The following DPP6 variants were observed in gnomAD, a reference collection of about 807,000 sequenced individuals.
DPP6 encodes dipeptidyl peptidase like 6, also known as A-type potassium channel modulatory protein DPP6.
DPP6 carries 69 observed loss-of-function variants against 122.6 expected under a neutral mutation model. The ratio of observed to expected loss-of-function variants is 0.56; its 90% CI spans 0.46 to 0.69. The LOEUF is 0.69. Among genes scored for constraint, DPP6 ranks in the 30% least tolerant of loss-of-function variants. The pLI, the probability that DPP6 is intolerant of heterozygous loss-of-function variation, is 0.00. For synonymous variants in DPP6, 418 were observed against 433.1 expected, an observed-to-expected ratio of 0.97 and a Z score of 0.43; for missense variants, 928 against 1,116.9, an observed-to-expected ratio of 0.83 and a Z score of 2.41.
At chr7:154,871,979 G>T (rs1804437219) in intron 18 of DPP6, among the ~76,000 whole-genome samples, 2 of 152,164 alleles carry the variant, frequency 1.3e-5, no homozygotes, top group Non-Finnish European at 2.9e-5. Flanking sequence ...TCATGCTGCT[G>T]AGGACCAGAT....
intron 1 of DPP6, among the ~76,000 whole-genome samples, chr7:154,239,266 G>A (rs1801415962): frequency 6.6e-6 from 1 of 152,194 alleles, no homozygotes; most frequent in Non-Finnish European, 1.5e-5. Flanking sequence ...CCAAAAACAT[G>A]TCTTTCTAGT....
intron 1 of DPP6, among the ~76,000 whole-genome samples, chr7:154,324,522 A>T (rs1479570384): frequency 6.6e-6 from 1 of 151,968 alleles, no homozygotes; most frequent in Non-Finnish European, 1.5e-5. Context: ...CTCCCCTCCC[A>T]GGTTCCATCC....
chr7:154,108,565 G>A (rs1806332821), intron 1 of DPP6, among the ~76,000 whole-genome samples: 1 of 152,154 alleles, frequency 6.6e-6, no homozygotes, highest in Non-Finnish European at 1.5e-5. Flanking sequence ...CATCACCTGT[G>A]AGGTAATGCC....
intron 1 of DPP6, among the ~76,000 whole-genome samples, chr7:154,228,346 G>C (rs895498440): frequency 6.6e-6 from 1 of 152,110 alleles, no homozygotes; most frequent in African/African-American, 2.4e-5. Context: ...CCATCTCGAA[G>C]TCCTCATTTA....
intron 2 of DPP6, among the ~76,000 whole-genome samples, chr7:154,456,177 A>T (rs1820812668): frequency 2.0e-5 from 3 of 152,230 alleles, no homozygotes; most frequent in Admixed American, 2.0e-4. Context: ...TAGGAAGATG[A>T]AATTCCAGAT....
At chr7:153,964,353 C>A (rs71545688) in intron 1 of DPP6, among the ~76,000 whole-genome samples, 21 of 152,174 alleles carry the variant, frequency 1.4e-4, no homozygotes, top group African/African-American at 3.4e-4. Context: ...AAATGTAATG[C>A]ATTTTCTGGA....
chr7:154,294,243 G>A (rs1805392081), intron 1 of DPP6, among the ~76,000 whole-genome samples: 1 of 152,174 alleles, frequency 6.6e-6, no homozygotes, highest in East Asian at 1.9e-4. Context: ...GGGGTAGGAG[G>A]TGACATTTGC....
intron 1 of DPP6, among the ~76,000 whole-genome samples, chr7:154,176,591 A>G (rs915099906): frequency 2.6e-5 from 4 of 152,238 alleles, no homozygotes; most frequent in African/African-American, 9.6e-5. Flanking sequence ...CAGAGTCACC[A>G]TGTAAAATGA....
At chr7:154,173,429 G>T (rs894235214) in intron 1 of DPP6, among the ~76,000 whole-genome samples, 2 of 152,294 alleles carry the variant, frequency 1.3e-5, no homozygotes, top group Non-Finnish European at 1.5e-5. Flanking sequence ...AGCAGATCCT[G>T]GAAGTAAAAG....
At chr7:154,691,006 A>T (rs904736474) in intron 7 of DPP6, among the ~76,000 whole-genome samples, 1 of 152,226 alleles carries the variant, frequency 6.6e-6, no homozygotes, top group Non-Finnish European at 1.5e-5. Context: ...ATTGTTTCAA[A>T]ATACACTGTG....
At chr7:154,623,589 G>A (rs1018128216) in intron 5 of DPP6, among the ~76,000 whole-genome samples, 1 of 141,842 alleles carries the variant, frequency 7.1e-6, no homozygotes, top group African/African-American at 2.7e-5. Context: ...ACGCACACGC[G>A]CACACACACG....
At chr7:153,928,963 A>G (rs759901860) in intron 1 of DPP6, among the ~76,000 whole-genome samples, 2 of 152,124 alleles carry the variant, frequency 1.3e-5, no homozygotes, top group Non-Finnish European at 2.9e-5. Context: ...CGGAATAAAC[A>G]TGGGAGATCT....
At chr7:154,745,565 G>A (rs1349430837) in intron 8 of DPP6, among the ~76,000 whole-genome samples, 1 of 152,176 alleles carries the variant, frequency 6.6e-6, no homozygotes, top group Non-Finnish European at 1.5e-5. Flanking sequence ...CTGAAACTGG[G>A]CAATTTATAA....
chr7:154,371,391 AAAAAAAAAAAAAAGAAAGAAAG>A (rs1331338670), intron 1 of DPP6, among the ~76,000 whole-genome samples: 1,964 of 145,016 alleles, frequency 0.014, 59 homozygotes, highest in African/African-American at 0.051. Flanking sequence ...AAAAAAAAAA[AAAAAAAAAAAAAAGAAAGAAAG>A]AAAGAAAGAC....
At chr7:154,703,032 GT>G (rs1840611983) in intron 7 of DPP6, among the ~76,000 whole-genome samples, 4 of 152,214 alleles carry the variant, frequency 2.6e-5, no homozygotes, top group Admixed American at 2.6e-4. Context: ...TAAGAGTGAT[GT>G]TAAGTCTACT....
At chr7:154,414,093 A>G (rs951833893) in intron 1 of DPP6, among the ~76,000 whole-genome samples, 4 of 152,218 alleles carry the variant, frequency 2.6e-5, no homozygotes, top group African/African-American at 4.8e-5. Context: ...CTATTGTGTT[A>G]TAACTTCCCA....
At chr7:153,827,163 G>T in the DPP6 span, among the ~76,000 whole-genome samples, 1 of 152,114 alleles carries the variant, frequency 6.6e-6, no homozygotes, top group Non-Finnish European at 1.5e-5. Context: ...TACAAGCATG[G>T]TAACTTTCTT....
intron 1 of DPP6, among the ~76,000 whole-genome samples, chr7:154,393,184 C>T (rs916100737): frequency 4.6e-5 from 7 of 152,128 alleles, no homozygotes; most frequent in Non-Finnish European, 7.3e-5. Context: ...AGAGTCTAAA[C>T]GGCTGAGGAA....
At chr7:154,338,934 C>T (rs1242872983) in intron 1 of DPP6, among the ~76,000 whole-genome samples, 1 of 152,334 alleles carries the variant, frequency 6.6e-6, no homozygotes, top group African/African-American at 2.4e-5. Flanking sequence ...TCTTACGGAG[C>T]AGCCTCAATG....
Sources: allele counts gnomAD v4.1 joint callset (sites outside exome capture counted in the v4.1 genomes callset), GRCh38; gene constraint gnomAD v4.1.1; transcripts MANE v1.5; gene names NCBI Gene and HGNC (gene_info 2026-07-23, HGNC 2026-07-21).